Variants in ADGRL4 observed in about 807,000 individuals in gnomAD.
ADGRL4 encodes EGF, latrophilin and seven transmembrane domain containing 1.
A neutral mutation model predicts 74.8 loss-of-function variants in ADGRL4; 90 were observed. The ratio of observed to expected loss-of-function variants is 1.20; its 90% CI spans 1.02 to 1.43. The LOEUF (loss-of-function observed/expected upper bound fraction) is 1.43. Ranked by LOEUF, ADGRL4 falls within the 40% of genes most tolerant of loss-of-function variation. The pLI is 0.00. For missense variants in ADGRL4, 881 were observed against 814.3 expected (o/e 1.08, Z -1.00); for synonymous variants, 311 against 279.2 (o/e 1.11, Z -1.14).
At position 78,891,009 on chromosome 1, in the gene ADGRL4, A is replaced by G. The variant is rs538214385; in HGVS notation, c.*145T>C. 6 of 790,152 alleles carry G rather than the reference A, an allele frequency of 7.6e-6. No individual in the cohort carries two copies. The highest frequency in any genetic ancestry group is 1.7e-5 in the African/African-American group (1 of 58,376). 48.9% of individuals were successfully genotyped at this position (790,152 alleles called of 1,614,324 possible). Reference sequence around the variant, plus strand: ...TTACCTTATTATCTACAGTTCCTATAGCATAAACAGAAAAACTGATTTAAA... The same window carrying G: ...TTACCTTATTATCTACAGTTCCTATGGCATAAACAGAAAAACTGATTTAAA... On this transcript the variant is annotated 3_prime_UTR_variant, in exon 15 of 15. Coordinates refer to ENST00000370742, the MANE Select transcript of ADGRL4 (RefSeq NM_022159.4).
chr1:78,922,101 C>T (rs1216616450), intron 8 of ADGRL4, among the ~76,000 whole-genome samples: 5 of 151,898 alleles, frequency 3.3e-5, no homozygotes, highest in Admixed American at 3.3e-4. Context: ...AGATGTTTAT[C>T]ATTAATCCAG....
At chr1:78,987,199 T>G (rs1045509031) in intron 2 of ADGRL4, among the ~76,000 whole-genome samples, 1 of 151,810 alleles carries the variant, frequency 6.6e-6, no homozygotes, top group Non-Finnish European at 1.5e-5. Flanking sequence ...AGCTACATAG[T>G]ATATAAATGA....
chr1:78,945,351 A>C (rs905011895), intron 3 of ADGRL4, among the ~76,000 whole-genome samples: 10 of 151,810 alleles, frequency 6.6e-5, no homozygotes, highest in African/African-American at 2.4e-4. Context: ...AACCTTGGCT[A>C]CATGATTACA....
intron 7 of ADGRL4, among the ~76,000 whole-genome samples, chr1:78,935,143 T>C (rs1649326666): frequency 6.6e-6 from 1 of 152,132 alleles, no homozygotes; most frequent in South Asian, 2.1e-4. Context: ...AGCAAATTTA[T>C]GGAACCAACC....
At chr1:78,932,065 C>T (rs775092406) in intron 7 of ADGRL4, among the ~76,000 whole-genome samples, 37 of 151,418 alleles carry the variant, frequency 2.4e-4, no homozygotes, top group Middle Eastern at 3.4e-3. Flanking sequence ...AACTCAGTTC[C>T]GGATGAAGTG....
Position 78,917,667 on chromosome 1 carries a change from C to A in ADGRL4, c.1716G>T (p.Trp572Cys), listed in dbSNP as rs1210828859. The part of the protein sequence containing the change: ...CWLSTENNFI[W>C]SFIGPACLII... Reference sequence around the variant, plus strand: ...TTAGGCATGCTGGTCCTATAAAACTCCAAATAAAGTTGTTTTCGGTGCTAA... The same window carrying A: ...TTAGGCATGCTGGTCCTATAAAACTACAAATAAAGTTGTTTTCGGTGCTAA... Residue 572 changes from tryptophan to cysteine, a missense_variant, in exon 12 of 15, where the codon TGG (tryptophan) becomes TGT (cysteine). Coordinates refer to ENST00000370742, the MANE Select transcript of ADGRL4 (RefSeq NM_022159.4). 6.2e-7 allele frequency: 1 copy of A among 1,606,206 alleles called. No individual in the cohort carries two copies. The highest frequency in any genetic ancestry group is 8.5e-7 in the Non-Finnish European group (1 of 1,176,298).
chr1:78,941,891 G>C (rs912496050), intron 3 of ADGRL4, among the ~76,000 whole-genome samples: 1 of 151,968 alleles, frequency 6.6e-6, no homozygotes, highest in East Asian at 1.9e-4. Flanking sequence ...GATAACCTTG[G>C]GTAATATCTT....
At position 78,936,016 on chromosome 1, in the gene ADGRL4, C is replaced by A. The variant is rs1324909199; in HGVS notation, c.877+279G>T. Reference sequence around the variant, plus strand: ...GCGGGCGCCTGTAGTCCCAGCTACTCGGGAGGCTGAGGCAGGAGAATGGCG... The same window carrying A: ...GCGGGCGCCTGTAGTCCCAGCTACTAGGGAGGCTGAGGCAGGAGAATGGCG... On this transcript the variant is annotated intron_variant, in intron 7 of 14. Transcript: ENST00000370742. Among the ~76,000 whole-genome samples, 2 of 73,926 alleles carry A rather than the reference C, an allele frequency of 2.7e-5. 1 individual carries two copies. The highest frequency in any genetic ancestry group is 5.9e-5 in the Non-Finnish European group (2 of 34,050). The allele number at this position is 73,926 out of a possible 152,430, so 48.5% of individuals were successfully genotyped here. A position where few individuals can be genotyped will look rare whatever the true frequency, so the allele number is the denominator to read the frequency against.
chr1:78,928,091 C>G (rs887857342), intron 7 of ADGRL4, among the ~76,000 whole-genome samples: 11 of 151,510 alleles, frequency 7.3e-5, no homozygotes, highest in Non-Finnish European at 1.3e-4. Flanking sequence ...ATGACCAGGT[C>G]CAGTTGATGA....
rs1282737003 is a variant in ADGRL4, at chr1:78,910,801, G to A, written c.1749+6833C>T. On this transcript the variant is annotated intron_variant, in intron 12 of 14. Transcript: ENST00000370742. ...AAAAAGCAAGACTAGGCCTTTTCAA[G>A]TACAGTCACAATCTTAACATTTTAA... 2.0e-5 allele frequency among the ~76,000 whole-genome samples: 3 copies of A among 151,694 alleles called. No individual in the cohort carries two copies. The East Asian group carries it at 5.8e-4, about 29-fold the overall frequency.
At chr1:78,975,054 T>C (rs1253785011) in intron 2 of ADGRL4, among the ~76,000 whole-genome samples, 4 of 152,120 alleles carry the variant, frequency 2.6e-5, no homozygotes, top group Admixed American at 1.3e-4. Context: ...AAACAGACTG[T>C]AGTGGGCAGG....
At chr1:78,935,644 G>A (rs1392440839) in intron 7 of ADGRL4, among the ~76,000 whole-genome samples, 1 of 152,046 alleles carries the variant, frequency 6.6e-6, no homozygotes, top group Non-Finnish European at 1.5e-5. Context: ...AAATATTAAA[G>A]GAACTGCAAA....
At chr1:79,004,886 A>G (rs1185813834) in intron 2 of ADGRL4, among the ~76,000 whole-genome samples, 184 bp downstream of exon 2, 3 of 152,234 alleles carry the variant, frequency 2.0e-5, no homozygotes, top group Non-Finnish European at 4.4e-5. Flanking sequence ...TTTTAAAATC[A>G]GTAACAAGTA....
chr1:78,988,490 A>G (rs1229425443), intron 2 of ADGRL4, among the ~76,000 whole-genome samples: 2 of 151,880 alleles, frequency 1.3e-5, no homozygotes. Context: ...AGTTAACATA[A>G]ATTAAACTGT....
intron 12 of ADGRL4, among the ~76,000 whole-genome samples, chr1:78,897,847 G>A (rs1648430251): frequency 6.6e-6 from 1 of 152,114 alleles, no homozygotes; most frequent in African/African-American, 2.4e-5. Flanking sequence ...CAAATTTGAG[G>A]TAACTGGCAA....
intron 12 of ADGRL4, among the ~76,000 whole-genome samples, chr1:78,903,256 G>A (rs1317279750): frequency 6.6e-6 from 1 of 152,056 alleles, no homozygotes; most frequent in Non-Finnish European, 1.5e-5. Flanking sequence ...ACACTATTTA[G>A]TTTTAATAAA....
rs200973848 is a variant in ADGRL4 at position 78,946,383 on chromosome 1, A to G, written c.216T>C (p.Asn72=). The G allele has an allele frequency of 2.5e-6, 4 of 1,613,036 alleles. No individual in the cohort carries two copies. In the East Asian group the frequency reaches 6.7e-5, roughly 27 times the overall value. Residue 72 remains asparagine (N), a synonymous_variant, in exon 3 of 15, where the codon AAT becomes AAC. Transcript: ENST00000370742. ...TTCCTTCTGTGTTAGTGCAATTAGC[A>G]TTTTCGCCACAGGACTGAGTTAAAT... ...CGNLTQSCGE[N]ANCTNTEGSY... is the part of the protein sequence containing the mutation.
At chr1:78,983,774 G>A (rs1275633163) in intron 2 of ADGRL4, among the ~76,000 whole-genome samples, 3 of 151,842 alleles carry the variant, frequency 2.0e-5, no homozygotes, top group Non-Finnish European at 4.4e-5. Context: ...AAACATCACA[G>A]TGAAATTGCA....
rs1402388713 is a variant in ADGRL4 at position 78,946,401 on chromosome 1, A to G, written c.198T>C (p.Thr66=). The G allele has an allele frequency of 6.2e-7, 1 of 1,611,394 alleles. No individual in the cohort carries two copies. Among genetic ancestry groups the G allele is most frequent in the East Asian group, 2.2e-5 (1 of 44,714 alleles). Residue 66 remains threonine (T), a synonymous_variant, in exon 3 of 15, where the codon ACT becomes ACC. Coordinates refer to ENST00000370742, the MANE Select transcript of ADGRL4 (RefSeq NM_022159.4). ...AATTAGCATTTTCGCCACAGGACTG[A>G]GTTAAATTTCCACATTCATTATCAT... ...CEDDNECGNL[T]QSCGENANCT... is the part of the protein sequence containing the mutation.
Sources: gnomAD v4.1 joint callset for allele counts (sites outside exome capture counted in the v4.1 genomes callset) on GRCh38, gnomAD v4.1.1 for gene constraint, MANE v1.5 for transcripts, NCBI Gene and HGNC (gene_info 2026-07-23, HGNC 2026-07-21) for gene names.